The following RNF24 variants were observed in gnomAD, a reference collection of about 807,000 sequenced individuals.
RNF24 encodes ring finger protein 24.
Under a neutral mutation model 20.0 loss-of-function variants are expected in RNF24, and 14 were observed. The ratio of observed to expected loss-of-function variants is 0.70; its 90% CI spans 0.46 to 1.10. The LOEUF (loss-of-function observed/expected upper bound fraction) is 1.10, where lower values mean the gene tolerates loss of function less well. Among genes scored for constraint, RNF24 ranks in the 50% least tolerant of loss-of-function variants. The probability of loss-of-function intolerance (pLI) is 0.00; values close to 1 mark genes in which losing one functional copy is unlikely to be tolerated. For synonymous variants in RNF24, 45 were observed against 61.1 expected (o/e 0.74, Z 1.23); for missense variants, 124 against 177.6 (o/e 0.70, Z 1.71).
At chr20:4,000,000 G>C (rs1600713809) in intron 1 of RNF24, among the ~76,000 whole-genome samples, 1 of 152,148 alleles carries the variant, frequency 6.6e-6, no homozygotes, top group African/African-American at 2.4e-5. Context: ...TAGAGCAAGG[G>C]AAGGGGGAGG....
chr20:4,009,644 A>G (rs1335217445), intron 1 of RNF24, among the ~76,000 whole-genome samples: 2 of 152,058 alleles, frequency 1.3e-5, no homozygotes, highest in Non-Finnish European at 2.9e-5. Flanking sequence ...AAGTTTAAGG[A>G]GTGGAGAGAA....
chr20:3,959,686 T>G (rs1442896820), intron 2 of RNF24, among the ~76,000 whole-genome samples: 1 of 152,188 alleles, frequency 6.6e-6, no homozygotes, highest in Non-Finnish European at 1.5e-5. Context: ...TGCCCTCTTC[T>G]CAAGAGATAA....
intron 1 of RNF24, among the ~76,000 whole-genome samples, chr20:4,009,396 G>A (rs1982248854): frequency 6.6e-6 from 1 of 152,196 alleles, no homozygotes; most frequent in African/African-American, 2.4e-5. Flanking sequence ...TGATGCAAGA[G>A]AGAGGGCAAA....
In RNF24 at chr20:3,933,394, C is replaced by T. The variant is rs2090849019; in HGVS notation, c.*669G>A. The T allele has an allele frequency of 2.8e-5, 11 of 392,692 alleles. No individual in the cohort carries two copies. The South Asian group carries it at 1.4e-3, about 51-fold the overall frequency. 24.3% of individuals were successfully genotyped at this position (392,692 alleles called of 1,614,324 possible). A position where few individuals can be genotyped will look rare whatever the true frequency, so the allele number is the denominator to read the frequency against. On this transcript the variant is annotated 3_prime_UTR_variant, in exon 6 of 6. Coordinates refer to ENST00000358395, the MANE Select transcript of RNF24 (RefSeq NM_001134337.3). Reference sequence around the variant, plus strand: ...GGGCTCTGGACGGGCCTTACTGGTGCATAGGAGAGGGAAATGATAAGAGGA... The same window carrying T: ...GGGCTCTGGACGGGCCTTACTGGTGTATAGGAGAGGGAAATGATAAGAGGA...
intron 2 of RNF24, among the ~76,000 whole-genome samples, chr20:3,955,273 G>A (rs373952859): frequency 3.5e-4 from 53 of 152,292 alleles, no homozygotes; most frequent in East Asian, 2.5e-3. Context: ...GATAGGACTT[G>A]TAAATATTTT....
intron 1 of RNF24, among the ~76,000 whole-genome samples, chr20:3,965,807 G>A (rs1466435875): frequency 6.6e-6 from 1 of 152,208 alleles, no homozygotes; most frequent in African/African-American, 2.4e-5. Context: ...CCCCAGACAA[G>A]ACTGGCTTGG....
At chr20:3,936,590 A>G (rs1448201354) in intron 4 of RNF24, among the ~76,000 whole-genome samples, 1 of 152,202 alleles carries the variant, frequency 6.6e-6, no homozygotes, top group Non-Finnish European at 1.5e-5. Context: ...GCCTAGTGGT[A>G]TCTTTTTGGG....
chr20:3,992,868 C>T (rs900750825), intron 1 of RNF24, among the ~76,000 whole-genome samples: 2 of 152,152 alleles, frequency 1.3e-5, no homozygotes, highest in African/African-American at 4.8e-5. Flanking sequence ...AAATAGACTA[C>T]AGTGTTCAGC....
intron 1 of RNF24, among the ~76,000 whole-genome samples, chr20:3,997,555 T>C (rs1448195300): frequency 1.3e-5 from 2 of 151,636 alleles, no homozygotes. Flanking sequence ...GCCTCCAGAG[T>C]AGCTCGAACC....
In RNF24 at chr20:3,933,189, G is replaced by C. The variant is rs2090846906; in HGVS notation, c.*874C>G. The C allele has an allele frequency of 2.5e-6, 1 of 397,308 alleles. No homozygotes were observed. Among genetic ancestry groups the C allele is most frequent in the South Asian group, 1.3e-4 (1 of 7,778 alleles). The allele number at this position is 397,308 out of a possible 1,614,324, so 24.6% of individuals were successfully genotyped here. ...TTCATCCAGCCGGGCCAGAAGTATG[G>C]GCCATTCTCAAAAAGCCACTGCTCT... On this transcript the variant is annotated 3_prime_UTR_variant, in exon 6 of 6. Coordinates refer to ENST00000358395, the MANE Select transcript of RNF24 (RefSeq NM_001134337.3).
intron 1 of RNF24, among the ~76,000 whole-genome samples, chr20:3,973,278 G>T (rs1978537716): frequency 6.6e-6 from 1 of 151,866 alleles, no homozygotes; most frequent in South Asian, 2.1e-4. Flanking sequence ...TGCTGAGTGG[G>T]CAATTCATGG....
At chr20:3,976,648 G>C (rs1024699910) in intron 1 of RNF24, among the ~76,000 whole-genome samples, 4 of 152,178 alleles carry the variant, frequency 2.6e-5, no homozygotes, top group African/African-American at 9.7e-5. Flanking sequence ...ATGGGTGAAC[G>C]ATTAAACAAA....
At chr20:3,994,211 T>A (rs1017632916) in intron 1 of RNF24, among the ~76,000 whole-genome samples, 8 of 152,110 alleles carry the variant, frequency 5.3e-5, no homozygotes, top group African/African-American at 1.9e-4. Context: ...TATGAGATAA[T>A]CAAGAAAACA....
intron 2 of RNF24, among the ~76,000 whole-genome samples, chr20:3,948,603 CTTAAG>C (rs2091047362): frequency 6.6e-6 from 1 of 151,762 alleles, no homozygotes; most frequent in African/African-American, 2.4e-5. Flanking sequence ...GTATAAAAAC[CTTAAG>C]TATACAGCTC....
chr20:3,957,513 A>G (rs1266941932), intron 2 of RNF24, among the ~76,000 whole-genome samples: 3 of 151,766 alleles, frequency 2.0e-5, no homozygotes, highest in African/African-American at 7.2e-5. Context: ...GAATTCCATT[A>G]GAAGTCATTA....
chr20:4,008,163 A>C (rs1000632783), intron 1 of RNF24, among the ~76,000 whole-genome samples: 1 of 148,774 alleles, frequency 6.7e-6, no homozygotes, highest in Non-Finnish European at 1.5e-5. Context: ...AAACAAACAC[A>C]TGAGGTAGGA....
At position 3,929,498 on chromosome 20, in the gene RNF24, A is replaced by AGAT. The variant is rs1423655877; in HGVS notation, c.*4562_*4564dup. The AGAT allele has an allele frequency of 6.6e-6, 1 of 152,310 alleles. No individual in the cohort carries two copies. Among genetic ancestry groups the AGAT allele is most frequent in the Non-Finnish European group, 1.5e-5 (1 of 68,092 alleles). 9.4% of individuals were successfully genotyped at this position (152,310 alleles called of 1,614,324 possible). A position where few individuals can be genotyped will look rare whatever the true frequency, so the allele number is the denominator to read the frequency against. ...TCACTGTGCACTTGCTCAGTAGCTA[A>AGAT]GATGTCTGCCCCACAAAATAGAAGC... On this transcript the variant is annotated 3_prime_UTR_variant, in exon 6 of 6. Coordinates refer to ENST00000358395, the MANE Select transcript of RNF24 (RefSeq NM_001134337.3).
intron 1 of RNF24, among the ~76,000 whole-genome samples, chr20:3,971,423 T>C (rs373837132): frequency 6.6e-6 from 1 of 152,124 alleles, no homozygotes; most frequent in Non-Finnish European, 1.5e-5. Context: ...CCTTGGAACA[T>C]CAAGAAGGAA....
chr20:3,927,819 C>T lies in RNF24; in HGVS notation c.*6244G>A, dbSNP rs1487681360. 2 of 152,286 alleles carry T rather than the reference C, an allele frequency of 1.3e-5. No homozygotes were observed. The highest frequency in any genetic ancestry group is 2.4e-5 in the African/African-American group (1 of 41,454). The allele number at this position is 152,286 out of a possible 1,614,324, so 9.4% of individuals were successfully genotyped here. ...GGCAAAGGGAGCTGAGAAGAGAGTT[C>T]CCCCAAAGCACAAACAAGTCTGCTG... On this transcript the variant is annotated 3_prime_UTR_variant, in exon 6 of 6. Coordinates refer to ENST00000358395, the MANE Select transcript of RNF24 (RefSeq NM_001134337.3).
Sources: allele counts gnomAD v4.1 joint callset (sites outside exome capture counted in the v4.1 genomes callset), GRCh38; gene constraint gnomAD v4.1.1; transcripts MANE v1.5; gene names NCBI Gene and HGNC (gene_info 2026-07-23, HGNC 2026-07-21).